FOXN3: variants seen among roughly 807,000 people sequenced by gnomAD.
The protein encoded by FOXN3 is forkhead box protein N3.
In FOXN3, 7 loss-of-function variants were observed where a neutral mutation model predicts 38.4. The observed-to-expected ratio is 0.18, with a 90% CI of 0.10 to 0.34. The LOEUF (loss-of-function observed/expected upper bound fraction) is 0.34, where lower values mean the gene tolerates loss of function less well. Ranked by LOEUF, FOXN3 falls within the 10% of genes least tolerant of loss-of-function variation. The pLI is 1.00. For synonymous variants in FOXN3, 230 were observed against 242.2 expected (o/e 0.95, Z 0.47); for missense variants, 456 against 613.4 (o/e 0.74, Z 2.71).
chr14:89,321,872 G>A (rs1345167518), intron 3 of FOXN3, among the ~76,000 whole-genome samples: 1 of 151,494 alleles, frequency 6.6e-6, no homozygotes, highest in African/African-American at 2.4e-5. Flanking sequence ...AGTATCTGAA[G>A]AGGCCCACGG....
intron 1 of FOXN3, among the ~76,000 whole-genome samples, chr14:89,599,601 G>A (rs1249264184): frequency 1.3e-5 from 2 of 151,722 alleles, no homozygotes; most frequent in Non-Finnish European, 2.9e-5. Flanking sequence ...CTCATGTGAT[G>A]TGTCTATTAT....
At chr14:89,232,103 T>G (rs569787247) in intron 4 of FOXN3, among the ~76,000 whole-genome samples, 24 of 152,276 alleles carry the variant, frequency 1.6e-4, no homozygotes, top group African/African-American at 5.5e-4. Flanking sequence ...AGGAGCTGCC[T>G]CATGGCGGAT....
At chr14:89,283,923 C>CG (rs1886538137) in intron 3 of FOXN3, among the ~76,000 whole-genome samples, 1 of 152,044 alleles carries the variant, frequency 6.6e-6, no homozygotes, top group African/African-American at 2.4e-5. Context: ...TGCAGTGGTG[C>CG]GATCTCAGCT....
At chr14:89,419,157 C>T (rs1189401496), upstream of FOXN3, 1 of 456,026 alleles carries the variant, frequency 2.2e-6, no homozygotes, top group South Asian at 1.5e-5. Flanking sequence ...TCTCCCATTA[C>T]AGTTGCAGCA....
chr14:89,273,138 C>G (rs1366619541), intron 4 of FOXN3, among the ~76,000 whole-genome samples: 1 of 152,186 alleles, frequency 6.6e-6, no homozygotes, highest in Non-Finnish European at 1.5e-5. Context: ...CTCTCTGGAC[C>G]CTTTTCCTCT....
chr14:89,171,586 G>C (rs146362697), intron 5 of FOXN3, among the ~76,000 whole-genome samples: 1 of 151,978 alleles, frequency 6.6e-6, no homozygotes, highest in African/African-American at 2.4e-5. Context: ...TGCAAGTTTT[G>C]TTCAAAACGA....
At chr14:89,382,609 G>A (rs1331930105) in intron 2 of FOXN3, among the ~76,000 whole-genome samples, 1 of 152,204 alleles carries the variant, frequency 6.6e-6, no homozygotes, top group African/African-American at 2.4e-5. Flanking sequence ...GTGGGTTTGG[G>A]AATAGGAAGG....
chr14:89,537,350 C>A (rs1322106704), intron 1 of FOXN3, among the ~76,000 whole-genome samples: 1 of 151,852 alleles, frequency 6.6e-6, no homozygotes, highest in Non-Finnish European at 1.5e-5. Context: ...CATGGATGGA[C>A]TGTCCAACCT....
At chr14:89,573,923 C>T (rs763544570) in intron 1 of FOXN3, among the ~76,000 whole-genome samples, 1 of 152,036 alleles carries the variant, frequency 6.6e-6, no homozygotes, top group African/African-American at 2.4e-5. Flanking sequence ...CCCAGCTACT[C>T]AGGAGGCTAA....
chr14:89,611,615 G>T (rs1291282033), intron 1 of FOXN3, among the ~76,000 whole-genome samples: 3 of 152,058 alleles, frequency 2.0e-5, no homozygotes, highest in Non-Finnish European at 4.4e-5. Context: ...GACCATCCTG[G>T]TTAACACGGT....
intron 3 of FOXN3, among the ~76,000 whole-genome samples, chr14:89,301,534 C>T: frequency 6.6e-6 from 1 of 151,762 alleles, no homozygotes; most frequent in Non-Finnish European, 1.5e-5. Context: ...CTTTGGGAGG[C>T]CGAGGCAGAT....
chr14:89,187,260 G>A (rs978016426), intron 4 of FOXN3, among the ~76,000 whole-genome samples: 2 of 152,178 alleles, frequency 1.3e-5, no homozygotes, highest in African/African-American at 2.4e-5. Context: ...AAATAGCACC[G>A]CACGAGGAAG....
At chr14:89,452,104 A>G (rs895226095) in intron 1 of FOXN3, among the ~76,000 whole-genome samples, 43 of 152,174 alleles carry the variant, frequency 2.8e-4, no homozygotes, top group African/African-American at 1.0e-3. Context: ...TAGTGTGTCA[A>G]TGACTGATAC....
At chr14:89,530,662 T>A (rs1469071591) in intron 1 of FOXN3, among the ~76,000 whole-genome samples, 1 of 151,706 alleles carries the variant, frequency 6.6e-6, no homozygotes, top group Non-Finnish European at 1.5e-5. Flanking sequence ...CAGGCTGGAG[T>A]GCAGTGGCAC....
At position 89,158,226 on chromosome 14, in the gene FOXN3, A is replaced by C. The variant is rs1887022006; in HGVS notation, c.*4188T>G. On this transcript the variant is annotated 3_prime_UTR_variant, in exon 6 of 6. Coordinates refer to ENST00000557258, the MANE Select transcript of FOXN3 (RefSeq NM_005197.4). ...CTGGGCAGTCCTGGCGTGGTGCAGAACTCTGAGCTGGGCACAGAAGGCCTC... is the reference window on the plus strand; with the variant it reads ...CTGGGCAGTCCTGGCGTGGTGCAGACCTCTGAGCTGGGCACAGAAGGCCTC... 1 of 152,246 alleles carries C rather than the reference A, an allele frequency of 6.6e-6. No homozygotes were observed. Among genetic ancestry groups the C allele is most frequent in the African/African-American group, 2.4e-5 (1 of 41,420 alleles). 9.4% of individuals were successfully genotyped at this position (152,246 alleles called of 1,614,324 possible).
intron 1 of FOXN3, among the ~76,000 whole-genome samples, chr14:89,520,643 C>A (rs929228789): frequency 3.3e-5 from 5 of 152,170 alleles, no homozygotes; most frequent in African/African-American, 9.7e-5. Context: ...ACAGGAGTTG[C>A]AATTAGTTTC....
At chr14:89,172,088 T>G (rs1887404382) in intron 5 of FOXN3, among the ~76,000 whole-genome samples, 1 of 152,184 alleles carries the variant, frequency 6.6e-6, no homozygotes, top group South Asian at 2.1e-4. Flanking sequence ...TCATATTAAT[T>G]TGTAAAATTT....
intron 1 of FOXN3, among the ~76,000 whole-genome samples, chr14:89,616,184 T>G (rs1166957543): frequency 6.6e-6 from 1 of 152,154 alleles, no homozygotes; most frequent in Non-Finnish European, 1.5e-5. Context: ...TATTTTTTGC[T>G]TAGCAAAATG....
At chr14:89,336,250 T>TCCATCCATCCATCCATCCATCCATCCATC (rs1566960019) in intron 3 of FOXN3, among the ~76,000 whole-genome samples, 1 of 6,688 alleles carries the variant, frequency 1.5e-4, no homozygotes, top group Non-Finnish European at 4.6e-4. Flanking sequence ...ATCCATCCAT[T>TCCATCCATCCATCCATCCATCCATCCATC]CATCCATCCA....
Sources: gnomAD v4.1 joint callset for allele counts (sites outside exome capture counted in the v4.1 genomes callset) on GRCh38, gnomAD v4.1.1 for gene constraint, MANE v1.5 for transcripts, NCBI Gene and HGNC (gene_info 2026-07-23, HGNC 2026-07-21) for gene names.